The following CPNE4 variants were observed in gnomAD, a reference collection of about 807,000 sequenced individuals.
The protein encoded by CPNE4 is copine 4.
In CPNE4, 25 loss-of-function variants were observed where a neutral mutation model predicts 67.9. That is an observed-to-expected ratio of 0.37 (90% CI 0.27 to 0.51). The LOEUF is 0.51. Ranked by LOEUF, CPNE4 falls within the 20% of genes least tolerant of loss-of-function variation. CPNE4 has a pLI of 0.93. For synonymous variants in CPNE4, 242 were observed against 244.9 expected (o/e 0.99, Z 0.11); for missense variants, 464 against 690.8 (o/e 0.67, Z 3.68).
chr3:131,866,427 G>T (rs1412662574), intron 2 of CPNE4, among the ~76,000 whole-genome samples: 1 of 152,194 alleles, frequency 6.6e-6, no homozygotes, highest in Non-Finnish European at 1.5e-5. Context: ...TTCCAGAGAG[G>T]AGGAATGAGA....
chr3:131,672,994 C>G (rs1275564187), intron 6 of CPNE4, among the ~76,000 whole-genome samples: 1 of 152,002 alleles, frequency 6.6e-6, no homozygotes, highest in Non-Finnish European at 1.5e-5. Context: ...TGTCTTTAAT[C>G]CATTTTGATT....
At chr3:131,911,359 C>T (rs2088968526) in intron 1 of CPNE4, among the ~76,000 whole-genome samples, 1 of 152,120 alleles carries the variant, frequency 6.6e-6, no homozygotes, top group African/African-American at 2.4e-5. Flanking sequence ...CCCTGACTGA[C>T]ACCTCGATTG....
chr3:131,925,598 T>C (rs2070872411), intron 1 of CPNE4: 1 of 151,988 alleles, frequency 6.6e-6, no homozygotes, highest in Non-Finnish European at 1.5e-5. Context: ...ATGACAAAAT[T>C]TGGTTTGGGG....
chr3:131,814,694 TC>T (rs2084666001), intron 2 of CPNE4, among the ~76,000 whole-genome samples: 1 of 123,416 alleles, frequency 8.1e-6, no homozygotes, highest in African/African-American at 3.7e-5. Flanking sequence ...AAGCTCCGCC[TC>T]CCGGGTTCAC....
intron 1 of CPNE4, among the ~76,000 whole-genome samples, chr3:132,024,828 G>C (rs1236392034): frequency 6.6e-6 from 1 of 152,088 alleles, no homozygotes; most frequent in Non-Finnish European, 1.5e-5. Flanking sequence ...AAATGTCATA[G>C]GTGCTCAGTA....
chr3:131,620,588 A>C (rs1336619287), intron 7 of CPNE4: 2 of 373,588 alleles, frequency 5.4e-6, no homozygotes, highest in Non-Finnish European at 7.4e-6. Context: ...AAAAGAACTT[A>C]ACAAATGTAA....
At chr3:131,689,532 G>C (rs2080978385) in intron 5 of CPNE4, among the ~76,000 whole-genome samples, 1 of 152,006 alleles carries the variant, frequency 6.6e-6, no homozygotes, top group Non-Finnish European at 1.5e-5. Context: ...CAACAAACTA[G>C]GCAGTGAAGG....
At chr3:131,887,560 G>C (rs1282900761) in intron 2 of CPNE4, among the ~76,000 whole-genome samples, 3 of 152,184 alleles carry the variant, frequency 2.0e-5, no homozygotes, top group Non-Finnish European at 1.5e-5. Context: ...GAAGATACTA[G>C]CTGTTTTTAT....
intron 7 of CPNE4, among the ~76,000 whole-genome samples, chr3:131,666,471 C>T (rs1174306259): frequency 1.3e-5 from 2 of 151,920 alleles, no homozygotes; most frequent in Non-Finnish European, 2.9e-5. Context: ...TGATTTAGGT[C>T]AAGAATTCAT....
At position 131,781,786 on chromosome 3, in the gene CPNE4, C is replaced by A. The variant is rs4582092; in HGVS notation, c.181-58161G>T. Among the ~76,000 whole-genome samples, 5 of 152,026 alleles carry A rather than the reference C, an allele frequency of 3.3e-5. No individual in the cohort carries two copies. In the South Asian group the frequency reaches 1.0e-3, roughly 31 times the overall value. On this transcript the variant is annotated intron_variant, in intron 2 of 15. Coordinates refer to ENST00000429747, the MANE Select transcript of CPNE4 (RefSeq NM_130808.3). ...GTTAATGTTTCAGCCCTGTCAGATA[C>A]TAATGACTTGTTTCCTTGAGTAAGT...
rs2074311051 is a variant in CPNE4, at chr3:132,034,764, G to C, written c.-199C>G. On this transcript the variant is annotated 5_prime_UTR_variant, in exon 1 of 16. Coordinates refer to ENST00000429747, the MANE Select transcript of CPNE4 (RefSeq NM_130808.3). ...CAACAGCGGCTGGGAAAGGTGCTGA[G>C]AGCAGAGTTCGGTCTCTCCGGAAAC... 1 of 985,252 alleles carries C rather than the reference G, an allele frequency of 1.0e-6. No individual in the cohort carries two copies. Among genetic ancestry groups the C allele is most frequent in the Non-Finnish European group, 1.2e-6 (1 of 830,072 alleles). 61.0% of individuals were successfully genotyped at this position (985,252 alleles called of 1,614,324 possible). A position where few individuals can be genotyped will look rare whatever the true frequency, so the allele number is the denominator to read the frequency against.
At position 131,535,069 on chromosome 3, in the gene CPNE4, C is replaced by T. The variant is rs1412661815; in HGVS notation, c.*126G>A. On this transcript the variant is annotated 3_prime_UTR_variant, in exon 16 of 16. Coordinates refer to ENST00000429747, the MANE Select transcript of CPNE4 (RefSeq NM_130808.3). ...AAATTGTCAGATAGTTAAAAATCAC[C>T]AAAACGTGCTATTTTTAAATGTGTA... 9 of 1,035,850 alleles carry T rather than the reference C, an allele frequency of 8.7e-6. No homozygotes were observed. Among genetic ancestry groups the T allele is most frequent in the Non-Finnish European group, 1.2e-5 (9 of 749,560 alleles). 64.2% of individuals were successfully genotyped at this position (1,035,850 alleles called of 1,614,324 possible).
At chr3:131,873,269 T>C (rs1056261736) in intron 2 of CPNE4, among the ~76,000 whole-genome samples, 7 of 152,228 alleles carry the variant, frequency 4.6e-5, no homozygotes, top group Admixed American at 1.3e-4. Flanking sequence ...ACATCCTTAA[T>C]TCCTAGTGAA....
At chr3:131,950,062 G>A (rs2107883205) in intron 1 of CPNE4, among the ~76,000 whole-genome samples, 1 of 152,230 alleles carries the variant, frequency 6.6e-6, no homozygotes, top group East Asian at 1.9e-4. Context: ...TAGTTATGTT[G>A]TATAAGGTCA....
intron 9 of CPNE4, among the ~76,000 whole-genome samples, chr3:131,578,012 A>C (rs1937593367): frequency 6.6e-6 from 1 of 152,088 alleles, no homozygotes; most frequent in African/African-American, 2.4e-5. Context: ...AGTCATCGTA[A>C]ATTGGGGACC....
chr3:131,782,409 A>T (rs1039508664), intron 2 of CPNE4, among the ~76,000 whole-genome samples: 9 of 152,096 alleles, frequency 5.9e-5, no homozygotes, highest in Non-Finnish European at 1.2e-4. Flanking sequence ...ACCTTTGCAC[A>T]TGTGATGCAC....
intron 7 of CPNE4, among the ~76,000 whole-genome samples, chr3:131,604,106 C>G (rs1025197872): frequency 1.3e-5 from 2 of 152,070 alleles, no homozygotes; most frequent in East Asian, 1.9e-4. Flanking sequence ...GATTTCTGTT[C>G]TATGTCACTG....
intron 7 of CPNE4, among the ~76,000 whole-genome samples, chr3:131,638,821 C>T (rs60759452): frequency 6.6e-6 from 1 of 151,942 alleles, no homozygotes; most frequent in African/African-American, 2.4e-5. Context: ...ATCAAGTACT[C>T]TCTCAGACCA....
intron 1 of CPNE4, among the ~76,000 whole-genome samples, chr3:131,943,133 A>G (rs984337128): frequency 1.3e-5 from 2 of 152,116 alleles, no homozygotes; most frequent in African/African-American, 4.8e-5. Context: ...GCATTATATC[A>G]CCTCTTGCAT....
Sources: allele counts gnomAD v4.1 joint callset (sites outside exome capture counted in the v4.1 genomes callset), GRCh38; gene constraint gnomAD v4.1.1; transcripts MANE v1.5; gene names NCBI Gene and HGNC (gene_info 2026-07-23, HGNC 2026-07-21).